The following KCNH7 variants were observed in gnomAD, a reference collection of about 807,000 sequenced individuals.
KCNH7 encodes the protein voltage-gated inwardly rectifying potassium channel KCNH7.
Under a neutral mutation model 120.8 loss-of-function variants are expected in KCNH7, and 49 were observed. That is an observed-to-expected ratio of 0.41 (90% CI 0.32 to 0.51). KCNH7 has a LOEUF of 0.51. KCNH7 is among the 20% of genes least tolerant of loss of function. KCNH7 has a pLI of 0.38. For synonymous variants in KCNH7, 547 were observed against 516.1 expected, an observed-to-expected ratio of 1.06 and a Z score of -0.81; for missense variants, 1,097 against 1,446.6, an observed-to-expected ratio of 0.76 and a Z score of 3.92.
At chr2:162,790,355 C>T (rs1453637301) in intron 2 of KCNH7, among the ~76,000 whole-genome samples, 1 of 151,918 alleles carries the variant, frequency 6.6e-6, no homozygotes, top group Non-Finnish European at 1.5e-5. Flanking sequence ...ACAAATCTCT[C>T]ATCAAAGAAA....
chr2:162,751,301 G>T (rs1178758460), intron 2 of KCNH7, among the ~76,000 whole-genome samples: 1 of 152,104 alleles, frequency 6.6e-6, no homozygotes, highest in Non-Finnish European at 1.5e-5. Context: ...TGTTCTACTA[G>T]GAGAATGTTG....
At chr2:162,835,032 C>T (rs775961968) in intron 2 of KCNH7, among the ~76,000 whole-genome samples, 4 of 152,022 alleles carry the variant, frequency 2.6e-5, no homozygotes, top group Non-Finnish European at 4.4e-5. Context: ...TTGTTGGCAT[C>T]AGATACTCAA....
At chr2:162,814,050 G>T (rs1052659199) in intron 2 of KCNH7, among the ~76,000 whole-genome samples, 4 of 152,256 alleles carry the variant, frequency 2.6e-5, no homozygotes, top group African/African-American at 9.6e-5. Context: ...GTGGATCCTG[G>T]TTCTGATGCC....
intron 2 of KCNH7, among the ~76,000 whole-genome samples, chr2:162,721,483 C>T (rs1231059691): frequency 6.6e-6 from 1 of 152,048 alleles, no homozygotes; most frequent in Non-Finnish European, 1.5e-5. Flanking sequence ...AGTCACATTG[C>T]AGTCTATTTT....
intron 2 of KCNH7, among the ~76,000 whole-genome samples, chr2:162,666,491 T>G (rs1411144963): frequency 2.6e-5 from 4 of 152,112 alleles, no homozygotes; most frequent in African/African-American, 9.7e-5. Context: ...ATACTCTTAG[T>G]GAAAACTTGA....
intron 2 of KCNH7, among the ~76,000 whole-genome samples, chr2:162,556,820 T>A (rs1050784515): frequency 1.3e-5 from 2 of 152,230 alleles, no homozygotes; most frequent in African/African-American, 4.8e-5. Context: ...ATTTTAAAAC[T>A]ACTTTATAGA....
intron 2 of KCNH7, among the ~76,000 whole-genome samples, chr2:162,721,936 A>G (rs749353837): frequency 3.9e-5 from 6 of 152,146 alleles, no homozygotes; most frequent in Non-Finnish European, 7.4e-5. Context: ...AAACAGTAGA[A>G]GGTGATTATG....
chr2:162,679,300 A>G (rs1158581898), intron 2 of KCNH7, among the ~76,000 whole-genome samples: 1 of 151,654 alleles, frequency 6.6e-6, no homozygotes, highest in Non-Finnish European at 1.5e-5. Flanking sequence ...ACTGTTCAAC[A>G]ATTTTAATAT....
chr2:162,626,013 T>C (rs948551849), intron 2 of KCNH7, among the ~76,000 whole-genome samples: 3 of 152,192 alleles, frequency 2.0e-5, no homozygotes, highest in Admixed American at 2.0e-4. Context: ...TAGGGGCAGC[T>C]AGTTAAATTA....
chr2:162,603,156 T>C (rs922109618), intron 2 of KCNH7, among the ~76,000 whole-genome samples: 40 of 151,976 alleles, frequency 2.6e-4, no homozygotes, highest in Admixed American at 2.5e-3. Context: ...TCATTTATCC[T>C]GAGTTCTAGG....
chr2:162,681,896 A>G (rs1408928961), intron 2 of KCNH7, among the ~76,000 whole-genome samples: 1 of 151,614 alleles, frequency 6.6e-6, no homozygotes, highest in African/African-American at 2.4e-5. Flanking sequence ...TTATAAAACA[A>G]AAGTCATGAG....
At chr2:162,546,439 G>T (rs1692480106) in intron 2 of KCNH7, among the ~76,000 whole-genome samples, 1 of 152,022 alleles carries the variant, frequency 6.6e-6, no homozygotes, top group Admixed American at 6.6e-5. Context: ...CATTTGTTCG[G>T]TCAAATTGCT....
chr2:162,434,818 T>C (rs1318176845), intron 8 of KCNH7, among the ~76,000 whole-genome samples: 1 of 151,876 alleles, frequency 6.6e-6, no homozygotes, highest in African/African-American at 2.4e-5. Context: ...ACATTTTTTA[T>C]ATCTATCTAT....
At chr2:162,753,584 T>A (rs78743989) in intron 2 of KCNH7, among the ~76,000 whole-genome samples, 1 of 151,888 alleles carries the variant, frequency 6.6e-6, no homozygotes, top group African/African-American at 2.4e-5. Flanking sequence ...ATGCCTTATA[T>A]TTTTTTTCAA....
intron 2 of KCNH7, among the ~76,000 whole-genome samples, chr2:162,719,332 TA>T (rs755658123): frequency 7.9e-5 from 12 of 152,072 alleles, no homozygotes; most frequent in Non-Finnish European, 1.8e-4. Context: ...TTATTTTCAT[TA>T]CAGGTATGCT....
intron 2 of KCNH7, chr2:162,797,227 T>C (rs1414817971): frequency 1.3e-5 from 2 of 152,106 alleles, no homozygotes; most frequent in African/African-American, 2.4e-5. Context: ...CATGATGCTC[T>C]GTCAAGCCAA....
At position 162,744,828 on chromosome 2, in the gene KCNH7, C is replaced by T. The variant is rs191050860; in HGVS notation, c.307+91709G>A. Among the ~76,000 whole-genome samples, 1,487 of 152,264 alleles carry T rather than the reference C, an allele frequency of 9.8e-3. 12 individuals carry two copies. The highest frequency in any genetic ancestry group is 0.014 in the Non-Finnish European group (956 of 68,016). ...GACCTCGTGATCCGCCCGCCTCGGC[C>T]TCCCAAAGTGCTGGGATTACAGGCG... is the stretch of plus-strand genomic sequence containing the variant. On this transcript the variant is annotated intron_variant, in intron 2 of 15. Transcript: ENST00000332142.
At chr2:162,650,973 T>G (rs903239061) in intron 2 of KCNH7, among the ~76,000 whole-genome samples, 1 of 152,166 alleles carries the variant, frequency 6.6e-6, no homozygotes, top group Admixed American at 6.6e-5. Context: ...CATTCAGAGA[T>G]AGCATATTGA....
intron 2 of KCNH7, among the ~76,000 whole-genome samples, chr2:162,622,291 T>C (rs1683391546): frequency 6.6e-6 from 1 of 152,156 alleles, no homozygotes; most frequent in Non-Finnish European, 1.5e-5. Flanking sequence ...TATGATGATA[T>C]GGAGGCTTCG....
Sources: gnomAD v4.1 joint callset for allele counts (sites outside exome capture counted in the v4.1 genomes callset) on GRCh38, gnomAD v4.1.1 for gene constraint, MANE v1.5 for transcripts, NCBI Gene and HGNC (gene_info 2026-07-23, HGNC 2026-07-21) for gene names.